The following GMPS variants were observed in gnomAD, a reference collection of about 807,000 sequenced individuals.
The protein encoded by GMPS is guanosine monophosphate synthase.
Under a neutral mutation model 77.9 loss-of-function variants are expected in GMPS, and 15 were observed. The observed-to-expected ratio is 0.19, with a 90% CI of 0.13 to 0.30. The LOEUF (loss-of-function observed/expected upper bound fraction) is 0.30, where lower values mean the gene tolerates loss of function less well. Ranked by LOEUF, GMPS falls within the 10% of genes least tolerant of loss-of-function variation. GMPS has a pLI of 1.00. For synonymous variants in GMPS, 224 were observed against 275.9 expected, an observed-to-expected ratio of 0.81 and a Z score of 1.86; for missense variants, 590 against 838.8, an observed-to-expected ratio of 0.70 and a Z score of 3.66.
At chr3:155,878,604 A>G (rs907501675) in intron 1 of GMPS, among the ~76,000 whole-genome samples, 28 of 152,208 alleles carry the variant, frequency 1.8e-4, no homozygotes, top group African/African-American at 5.8e-4. Context: ...GCAACATTTT[A>G]TATTTTTGTC....
chr3:155,892,380 C>CA (rs894885389), intron 1 of GMPS, among the ~76,000 whole-genome samples: 5 of 151,584 alleles, frequency 3.3e-5, no homozygotes, highest in South Asian at 4.2e-4. Flanking sequence ...AAAAAGCAAA[C>CA]AAAAAAAACC....
chr3:155,924,159 G>C (rs932022902), intron 11 of GMPS, among the ~76,000 whole-genome samples: 2 of 152,186 alleles, frequency 1.3e-5, no homozygotes, highest in Non-Finnish European at 2.9e-5. Flanking sequence ...GATTACAGGC[G>C]TGAGCCACTG....
At chr3:155,930,046 C>T (rs892250677) in intron 12 of GMPS, among the ~76,000 whole-genome samples, 33 of 143,584 alleles carry the variant, frequency 2.3e-4, no homozygotes, top group East Asian at 4.2e-4. Flanking sequence ...GAGCCCGCAT[C>T]GCCAAGTCAA....
chr3:155,877,698 T>C (rs561687762), intron 1 of GMPS, among the ~76,000 whole-genome samples: 2 of 152,064 alleles, frequency 1.3e-5, no homozygotes, highest in East Asian at 1.9e-4. Flanking sequence ...TTCTGAACGC[T>C]GAGAAGTTCA....
intron 1 of GMPS, among the ~76,000 whole-genome samples, chr3:155,884,290 G>A (rs62286805): frequency 0.12 from 17,819 of 151,202 alleles, 1,316 homozygotes; most frequent in Admixed American, 0.24. Flanking sequence ...GGAGGTTGAG[G>A]CAGGACAATC....
chr3:155,928,019 CTTTTTTTTTTT>C (rs35962523), intron 12 of GMPS, among the ~76,000 whole-genome samples: 3 of 67,844 alleles, frequency 4.4e-5, no homozygotes, highest in African/African-American at 1.3e-4. Flanking sequence ...GCATTTTACA[CTTTTTTTTTTT>C]TTTTTTTTTT....
intron 12 of GMPS, among the ~76,000 whole-genome samples, chr3:155,929,382 C>G (rs1755542913): frequency 6.6e-6 from 1 of 152,028 alleles, no homozygotes; most frequent in Admixed American, 6.6e-5. Flanking sequence ...TAAGAGCTAT[C>G]TATGACAAAC....
rs765077186 is a variant in GMPS, at chr3:155,922,168, T to C, written c.1319-19T>C. ...AATATAACATTAATGTTAAATACTA[T>C]TATTACTCCTACCTTTAGGTCCTGG... On this transcript the variant is annotated intron_variant, in intron 10 of 15. Coordinates refer to ENST00000496455, the MANE Select transcript of GMPS (RefSeq NM_003875.3). 1 of 948,172 alleles carries C rather than the reference T, an allele frequency of 1.1e-6. No homozygotes were observed. The highest frequency in any genetic ancestry group is 1.7e-5 in the South Asian group (1 of 59,948). The allele number at this position is 948,172 out of a possible 1,614,324, so 58.7% of individuals were successfully genotyped here. A position where few individuals can be genotyped will look rare whatever the true frequency, so the allele number is the denominator to read the frequency against.
In GMPS at chr3:155,942,485, C is replaced by G. The variant is rs1040637952; in HGVS notation, c.*4793C>G. 2.2e-5 allele frequency: 5 copies of G among 224,870 alleles called. No homozygotes were observed. Among genetic ancestry groups the G allele is most frequent in the African/African-American group, 1.1e-4 (5 of 44,826 alleles). The allele number at this position is 224,870 out of a possible 1,614,324, so 13.9% of individuals were successfully genotyped here. ...AACTCATAGGTGAATCTTTGTCAAA[C>G]CTATAGGAGAGAGATGCAGGCCATA... On this transcript the variant is annotated 3_prime_UTR_variant, in exon 16 of 16. Coordinates refer to ENST00000496455, the MANE Select transcript of GMPS (RefSeq NM_003875.3).
intron 12 of GMPS, among the ~76,000 whole-genome samples, chr3:155,930,253 A>G (rs2108141349): frequency 6.7e-6 from 1 of 149,136 alleles, no homozygotes; most frequent in Admixed American, 6.7e-5. Flanking sequence ...AAAACAAGCA[A>G]TGGGGAAAGG....
intron 1 of GMPS, among the ~76,000 whole-genome samples, chr3:155,887,306 G>A (rs1754360625): frequency 6.6e-6 from 1 of 152,122 alleles, no homozygotes; most frequent in African/African-American, 2.4e-5. Context: ...AAGCACACTG[G>A]CATGTTATCC....
intron 7 of GMPS, among the ~76,000 whole-genome samples, chr3:155,911,563 G>A (rs899531765): frequency 6.6e-5 from 10 of 151,986 alleles, no homozygotes; most frequent in Admixed American, 2.0e-4. Context: ...CTGGCCAGGC[G>A]CGGTGGCTCA....
rs142942258 is a variant in GMPS at position 155,918,631 on chromosome 3, T to G, written c.1213-602T>G. Among the ~76,000 whole-genome samples, 17 of 152,300 alleles carry G rather than the reference T, an allele frequency of 1.1e-4. No homozygotes were observed. In the East Asian group the frequency reaches 2.5e-3, roughly 22 times the overall value. On this transcript the variant is annotated intron_variant, in intron 9 of 15. Coordinates refer to ENST00000496455, the MANE Select transcript of GMPS (RefSeq NM_003875.3). Reference sequence around the variant, plus strand: ...ATCCTTTGCTCCTTTTTTTAAAAAATAATTTTAAGTTCGAGGATATAAGTG... The same window carrying G: ...ATCCTTTGCTCCTTTTTTTAAAAAAGAATTTTAAGTTCGAGGATATAAGTG...
chr3:155,914,233 A>G (rs1307085270), intron 7 of GMPS, among the ~76,000 whole-genome samples, 186 bp from the exon 8 acceptor site: 2 of 152,130 alleles, frequency 1.3e-5, no homozygotes. Context: ...GGCATGAGCC[A>G]CCGGGCCCGG....
At chr3:155,905,243 G>A (rs1414146566) in intron 4 of GMPS, among the ~76,000 whole-genome samples, 2 of 151,934 alleles carry the variant, frequency 1.3e-5, no homozygotes, top group African/African-American at 4.8e-5. Context: ...GATCTCAGGT[G>A]ATCTGCCTCG....
In GMPS at chr3:155,938,502, A is replaced by G. The variant is rs569414711; in HGVS notation, c.*810A>G. 5.2e-5 allele frequency: 11 copies of G among 210,046 alleles called. No individual in the cohort carries two copies. Among genetic ancestry groups the G allele is most frequent in the East Asian group, 2.9e-4 (4 of 14,002 alleles). 13.0% of individuals were successfully genotyped at this position (210,046 alleles called of 1,614,324 possible). On this transcript the variant is annotated 3_prime_UTR_variant, in exon 16 of 16. Coordinates refer to ENST00000496455, the MANE Select transcript of GMPS (RefSeq NM_003875.3). ...TATCTCCTTAGAAGAAACTGGCTCA[A>G]TGACGTTTCTGGTGTAGTGCAGATA...
Position 155,940,737 on chromosome 3 carries a change from A to AT in GMPS, c.*3045_*3046insT. ...AGGAGACAGAATGGAGAAGCTGGAT[A>AT]GTGTTTTTTTTTTTTTTTTTTAAGG... On this transcript the variant is annotated 3_prime_UTR_variant, in exon 16 of 16. Transcript: ENST00000496455. The AT allele has an allele frequency of 6.4e-6, 1 of 157,096 alleles. No homozygotes were observed. The allele number at this position is 157,096 out of a possible 1,614,324, so 9.7% of individuals were successfully genotyped here.
rs774006451 is a variant in GMPS, at chr3:155,931,741, TATTG to T, written c.1561-20_1561-17del. The T allele has an allele frequency of 2.2e-5, 21 of 970,332 alleles. No individual in the cohort carries two copies. Among genetic ancestry groups the T allele is most frequent in the Non-Finnish European group, 1.7e-5 (10 of 603,600 alleles). 60.1% of individuals were successfully genotyped at this position (970,332 alleles called of 1,614,324 possible). A position where few individuals can be genotyped will look rare whatever the true frequency, so the allele number is the denominator to read the frequency against. The stretch of plus-strand genomic sequence containing the variant: ...GGTGTATCTTTTGACTATTAAAAAT[TATTG>T]ATTATCTTTTTATTTTCAGGGTGAC... On this transcript the variant is annotated intron_variant, in intron 12 of 15. Coordinates refer to ENST00000496455, the MANE Select transcript of GMPS (RefSeq NM_003875.3).
At chr3:155,912,889 A>C (rs1348867181) in intron 7 of GMPS, among the ~76,000 whole-genome samples, 1 of 152,174 alleles carries the variant, frequency 6.6e-6, no homozygotes, top group African/African-American at 2.4e-5. Context: ...GGTTAGCCTA[A>C]AACAGGGATT....
Sources: allele counts gnomAD v4.1 joint callset (sites outside exome capture counted in the v4.1 genomes callset), GRCh38; gene constraint gnomAD v4.1.1; transcripts MANE v1.5; gene names NCBI Gene and HGNC (gene_info 2026-07-23, HGNC 2026-07-21).